The following RIMS2 variants were observed in gnomAD, a reference collection of about 807,000 sequenced individuals.
The protein encoded by RIMS2 is regulating synaptic membrane exocytosis 2.
In RIMS2, 59 loss-of-function variants were observed where a neutral mutation model predicts 174.4. The ratio of observed to expected loss-of-function variants is 0.34; its 90% confidence interval spans 0.27 to 0.42. RIMS2 has a LOEUF of 0.42. RIMS2 is among the 10% of genes least tolerant of loss of function. The pLI is 1.00. For missense variants in RIMS2, 1,620 were observed against 1,666.3 expected (o/e 0.97, Z 0.48); for synonymous variants, 606 against 572.5 (o/e 1.06, Z -0.84).
intron 19 of RIMS2, among the ~76,000 whole-genome samples, chr8:104,242,213 G>A (rs1414238599): frequency 6.6e-6 from 1 of 151,982 alleles, no homozygotes; most frequent in African/African-American, 2.4e-5. Flanking sequence ...TTGGGTTGGG[G>A]GTGGGGGCTT....
At chr8:103,944,327 A>C (rs2083219658) in intron 14 of RIMS2, among the ~76,000 whole-genome samples, 1 of 152,078 alleles carries the variant, frequency 6.6e-6, no homozygotes, top group Non-Finnish European at 1.5e-5. Flanking sequence ...CATTGTATCT[A>C]TTCAGTACTT....
intron 17 of RIMS2, among the ~76,000 whole-genome samples, chr8:103,993,549 G>A (rs1463517145): frequency 6.6e-6 from 1 of 152,056 alleles, no homozygotes; most frequent in Non-Finnish European, 1.5e-5. Flanking sequence ...TATCAACTAT[G>A]AAGGAAACAT....
chr8:103,968,717 T>C (rs1241052365), intron 15 of RIMS2, among the ~76,000 whole-genome samples: 1 of 152,026 alleles, frequency 6.6e-6, no homozygotes, highest in Non-Finnish European at 1.5e-5. Flanking sequence ...ATTATTACTT[T>C]GAATTAATTC....
At chr8:103,512,665 G>A (rs936096727) in intron 1 of RIMS2, among the ~76,000 whole-genome samples, 2 of 152,060 alleles carry the variant, frequency 1.3e-5, no homozygotes, top group Admixed American at 6.6e-5. Context: ...ATCCTATCAT[G>A]TATAGAGGGA....
intron 19 of RIMS2, among the ~76,000 whole-genome samples, chr8:104,147,185 TTTCTC>T (rs950003668): frequency 2.6e-5 from 4 of 151,932 alleles, no homozygotes; most frequent in Non-Finnish European, 4.4e-5. Flanking sequence ...TCTCATCTCT[TTTCTC>T]TTCTCTTCTC....
chr8:104,183,923 G>C (rs911286955), intron 19 of RIMS2, among the ~76,000 whole-genome samples: 6 of 151,524 alleles, frequency 4.0e-5, no homozygotes, highest in African/African-American at 1.2e-4. Flanking sequence ...ACATATTTTG[G>C]TAAAACTTCC....
intron 12 of RIMS2, among the ~76,000 whole-genome samples, chr8:103,933,059 G>A (rs775053242): frequency 6.6e-6 from 1 of 152,096 alleles, no homozygotes; most frequent in Non-Finnish European, 1.5e-5. Flanking sequence ...TTGGGAGGCC[G>A]AGGTGGGCAG....
chr8:103,758,722 A>G lies in RIMS2; in HGVS notation c.388-7505A>G, dbSNP rs377578211. ...AGTTAAAATTCTGGGTGTAGAAACA[A>G]CAGTCTTTCTATTGAAAGACATGTC... On this transcript the variant is annotated intron_variant, in intron 2 of 23. Transcript: ENST00000504942. 1.6e-4 allele frequency among the ~76,000 whole-genome samples: 25 copies of G among 152,272 alleles called. 1 individual carries two copies. Among genetic ancestry groups the G allele is most frequent in the African/African-American group, 5.8e-4 (24 of 41,548 alleles).
At chr8:104,062,462 G>A (rs2097018369) in intron 19 of RIMS2, among the ~76,000 whole-genome samples, 1 of 152,090 alleles carries the variant, frequency 6.6e-6, no homozygotes, top group Non-Finnish European at 1.5e-5. Context: ...TTCTTGAGTG[G>A]CACTACCTTT....
intron 12 of RIMS2, among the ~76,000 whole-genome samples, chr8:103,934,885 G>C (rs963118726): frequency 6.6e-6 from 1 of 152,078 alleles, no homozygotes; most frequent in Admixed American, 6.5e-5. Context: ...TTTTGGTAGA[G>C]ACGGGGTTTC....
chr8:104,159,015 T>G (rs1466390887), intron 19 of RIMS2, among the ~76,000 whole-genome samples: 3 of 152,202 alleles, frequency 2.0e-5, no homozygotes, highest in African/African-American at 7.2e-5. Context: ...CTTCTAGGGT[T>G]TTTATGGTTT....
chr8:103,987,227 A>C (rs1303452914), intron 16 of RIMS2, among the ~76,000 whole-genome samples: 1 of 152,062 alleles, frequency 6.6e-6, no homozygotes, highest in Non-Finnish European at 1.5e-5. Context: ...CCTGGGCTCA[A>C]GCAATCCTCT....
intron 19 of RIMS2, among the ~76,000 whole-genome samples, chr8:104,137,941 C>T (rs79102912): frequency 0.02 from 3,010 of 152,204 alleles, 139 homozygotes; most frequent in East Asian, 0.15. Flanking sequence ...CCTGCCACCG[C>T]CACTACCCTT....
At chr8:103,751,086 C>A (rs370078591) in intron 2 of RIMS2, among the ~76,000 whole-genome samples, 28 of 152,260 alleles carry the variant, frequency 1.8e-4, no homozygotes, top group Admixed American at 9.8e-4. Flanking sequence ...TTTCACCTTC[C>A]ACCAGGATTG....
At chr8:104,143,789 A>G (rs2098605567) in intron 19 of RIMS2, among the ~76,000 whole-genome samples, 1 of 152,176 alleles carries the variant, frequency 6.6e-6, no homozygotes, top group Non-Finnish European at 1.5e-5. Flanking sequence ...CCATTGTATT[A>G]GCTGTTAGGC....
At chr8:103,753,545 C>T (rs915795173) in intron 2 of RIMS2, among the ~76,000 whole-genome samples, 1 of 151,858 alleles carries the variant, frequency 6.6e-6, no homozygotes, top group Non-Finnish European at 1.5e-5. Flanking sequence ...TGGTAGAATT[C>T]GGCTGTGAAT....
intron 3 of RIMS2, among the ~76,000 whole-genome samples, chr8:103,862,358 C>T (rs891698483): frequency 6.6e-6 from 1 of 151,784 alleles, no homozygotes; most frequent in Non-Finnish European, 1.5e-5. Context: ...TATTAATTCC[C>T]TGCTCTTTTA....
At chr8:103,727,080 A>G (rs943610458) in intron 2 of RIMS2, among the ~76,000 whole-genome samples, 2 of 151,792 alleles carry the variant, frequency 1.3e-5, no homozygotes, top group African/African-American at 2.4e-5. Context: ...TAAATAAAAT[A>G]TTTTTACTAC....
At chr8:104,137,925 T>TC (rs1354450583) in intron 19 of RIMS2, among the ~76,000 whole-genome samples, 1 of 152,122 alleles carries the variant, frequency 6.6e-6, no homozygotes, top group Non-Finnish European at 1.5e-5. Flanking sequence ...ATCCCTATTC[T>TC]CCCCACCTGC....
Sources: gnomAD v4.1 joint callset for allele counts (sites outside exome capture counted in the v4.1 genomes callset) on GRCh38, gnomAD v4.1.1 for gene constraint, MANE v1.5 for transcripts, NCBI Gene and HGNC (gene_info 2026-07-23, HGNC 2026-07-21) for gene names.